SERPINE2: variants seen among roughly 807,000 people sequenced by gnomAD.
The protein encoded by SERPINE2 is glia-derived nexin.
Under a neutral mutation model 36.3 loss-of-function variants are expected in SERPINE2, and 14 were observed. The observed-to-expected ratio is 0.39, with a 90% CI of 0.25 to 0.60. SERPINE2 has a LOEUF of 0.60. SERPINE2 is among the 20% of genes least tolerant of loss of function. The pLI, the probability that SERPINE2 is intolerant of heterozygous loss-of-function variation, is 0.57. For synonymous variants in SERPINE2, 192 were observed against 191.8 expected, an observed-to-expected ratio of 1.00 and a Z score of -0.01; for missense variants, 418 against 499.6, an observed-to-expected ratio of 0.84 and a Z score of 1.56.
intron 5 of SERPINE2, among the ~76,000 whole-genome samples, chr2:223,983,755 TGTGTG>T (rs767539709): frequency 0.38 from 55,583 of 148,194 alleles, 11,941 homozygotes; most frequent in Non-Finnish European, 0.48. Context: ...TGTGTGTGTG[TGTGTG>T]TGTGTAAATG....
chr2:224,009,686 C>G (rs1186127655), intron 1 of SERPINE2, among the ~76,000 whole-genome samples: 1 of 143,756 alleles, frequency 7.0e-6, no homozygotes, highest in Non-Finnish European at 1.5e-5. Flanking sequence ...CAGAGTGAGA[C>G]TCTGTCTCAA....
At chr2:224,003,584 T>A (rs1171650597) in intron 1 of SERPINE2, among the ~76,000 whole-genome samples, 2 of 152,356 alleles carry the variant, frequency 1.3e-5, no homozygotes, top group East Asian at 3.9e-4. Flanking sequence ...CTACAGTGAT[T>A]TGTTTTAAAG....
In SERPINE2 at chr2:224,005,065, T is replaced by TTATATATTTATATATATATATATA. The variant is rs1553547022; in HGVS notation, c.-22-3144_-22-3143insTATATATATATATATAAATATATA. On this transcript the variant is annotated intron_variant, in intron 1 of 8. Transcript: ENST00000409304. ...ATATATTTTATATATTTTATATATA[T>TTATATATTTATATATATATATATA]TATATATATATATATATATATATAT... is the stretch of plus-strand genomic sequence containing the variant. Among the ~76,000 whole-genome samples, 150 of 33,452 alleles carry TTATATATTTATATATATATATATA rather than the reference T, an allele frequency of 4.5e-3. 2 individuals carry two copies. The highest frequency in any genetic ancestry group is 0.025 in the East Asian group (36 of 1,444). The allele number at this position is 33,452 out of a possible 152,430, so 21.9% of individuals were successfully genotyped here.
chr2:224,011,047 G>A (rs1691608941), intron 1 of SERPINE2, among the ~76,000 whole-genome samples: 1 of 152,294 alleles, frequency 6.6e-6, no homozygotes, highest in African/African-American at 2.4e-5. Context: ...GAATGGAGGG[G>A]GAGGGGTGAG....
At chr2:224,023,909 G>T (rs1692094731) in intron 1 of SERPINE2, among the ~76,000 whole-genome samples, 1 of 152,156 alleles carries the variant, frequency 6.6e-6, no homozygotes, top group Non-Finnish European at 1.5e-5. Flanking sequence ...AACCCATGCA[G>T]CTTTGGTCCA....
rs758535269 is a variant in SERPINE2, at chr2:223,998,115, C to T, written c.487G>A (p.Asp163Asn). The change falls in exon 3 of 9, where the codon GAT becomes AAT. Residue 163 changes from aspartate (D) to asparagine (N), a missense_variant and splice_region_variant. Asp to Asn is a conservative substitution (Grantham distance 23, BLOSUM62 1). Coordinates refer to ENST00000409304, the MANE Select transcript of SERPINE2 (RefSeq NM_001136528.2). The part of the protein sequence containing the change: ...INAWVKNETR[D>N]MIDNLLSPDL... ...CAAATGACATACTGCGGCCACTCAC[C>T]CCTGGTTTCATTTTTAACCCATGCA... is the stretch of plus-strand genomic sequence containing the variant. The T allele has an allele frequency of 6.2e-7, 1 of 1,612,808 alleles. No homozygotes were observed. The highest frequency in any genetic ancestry group is 1.1e-5 in the South Asian group (1 of 91,052).
chr2:224,002,795 T>A (rs1373434165), intron 1 of SERPINE2, among the ~76,000 whole-genome samples: 1 of 151,364 alleles, frequency 6.6e-6, no homozygotes, highest in Non-Finnish European at 1.5e-5. Context: ...CTCAGCCTAA[T>A]CATTATTTAA....
At chr2:223,983,360 T>A (rs1690295295) in intron 5 of SERPINE2, among the ~76,000 whole-genome samples, 1 of 152,108 alleles carries the variant, frequency 6.6e-6, no homozygotes. Context: ...TTCAAGCAAT[T>A]CTCCCGCCTC....
intron 1 of SERPINE2, among the ~76,000 whole-genome samples, chr2:224,018,078 G>A (rs1342403682): frequency 6.6e-6 from 1 of 152,136 alleles, no homozygotes; most frequent in Non-Finnish European, 1.5e-5. Flanking sequence ...CTCAGGGAAG[G>A]TGACTTGAGA....
At chr2:223,997,284 A>G (rs13410227) in intron 3 of SERPINE2, among the ~76,000 whole-genome samples, 39,925 of 151,914 alleles carry the variant, frequency 0.26, 6,362 homozygotes, top group African/African-American at 0.45. Flanking sequence ...GCAGGGTTGC[A>G]ATCTCGGCTC....
intron 1 of SERPINE2, chr2:224,031,221 T>A (rs1460497726): frequency 1.0e-6 from 1 of 984,198 alleles, no homozygotes; most frequent in Non-Finnish European, 1.2e-6. Context: ...CGACCCTACA[T>A]ATTCACAGGG....
intron 1 of SERPINE2, among the ~76,000 whole-genome samples, chr2:224,005,096 T>TATATAA (rs1251441985): frequency 3.8e-5 from 5 of 132,016 alleles, no homozygotes; most frequent in African/African-American, 1.5e-4. Context: ...TATATATATA[T>TATATAA]AAAACATTGT....
chr2:224,034,004 C>T (rs1235308669), intron 1 of SERPINE2, among the ~76,000 whole-genome samples: 1 of 152,176 alleles, frequency 6.6e-6, no homozygotes, highest in African/African-American at 2.4e-5. Flanking sequence ...GAGAGCTCCC[C>T]TTTGAGTCTG....
At chr2:224,006,975 T>C (rs981158426) in intron 1 of SERPINE2, among the ~76,000 whole-genome samples, 1 of 152,222 alleles carries the variant, frequency 6.6e-6, no homozygotes, top group Admixed American at 6.5e-5. Flanking sequence ...CTCTCCAGGC[T>C]GTGTGAGCAC....
At chr2:224,000,714 G>A (rs1372158556) in intron 2 of SERPINE2, among the ~76,000 whole-genome samples, 3 of 152,048 alleles carry the variant, frequency 2.0e-5, no homozygotes, top group Admixed American at 6.6e-5. Flanking sequence ...AGGCCCCAGT[G>A]TGTGATGTTC....
chr2:224,001,616 G>A (rs570799895), intron 2 of SERPINE2, 26 bp downstream of exon 2: 11 of 1,597,548 alleles, frequency 6.9e-6, no homozygotes, highest in East Asian at 2.2e-5. Context: ...CAAAGGCTCC[G>A]CCAGTGAGCA....
intron 1 of SERPINE2, chr2:224,038,599 C>T: frequency 8.7e-7 from 1 of 1,155,556 alleles, no homozygotes; most frequent in Non-Finnish European, 1.3e-6. Context: ...AAAGGCTTTC[C>T]CCACACCGCG....
At chr2:224,011,310 AAG>A (rs1302818547) in intron 1 of SERPINE2, among the ~76,000 whole-genome samples, 1 of 152,252 alleles carries the variant, frequency 6.6e-6, no homozygotes, top group African/African-American at 2.4e-5. Flanking sequence ...TCTCTTCAGC[AAG>A]AGACATGGAA....
chr2:224,000,570 T>A (rs2106162583), intron 2 of SERPINE2, among the ~76,000 whole-genome samples: 1 of 152,266 alleles, frequency 6.6e-6, no homozygotes, highest in South Asian at 2.1e-4. Flanking sequence ...GCAGAACGTG[T>A]AGGTTTATTA....
Sources: gnomAD v4.1 joint callset for allele counts (sites outside exome capture counted in the v4.1 genomes callset) on GRCh38, gnomAD v4.1.1 for gene constraint, MANE v1.5 for transcripts, NCBI Gene and HGNC (gene_info 2026-07-23, HGNC 2026-07-21) for gene names.